Variants in ZNF638 observed in about 807,000 individuals in gnomAD.
The protein encoded by ZNF638 is CTCL tumor antigen se33-1.
In ZNF638, 46 loss-of-function variants were observed where a neutral mutation model predicts 195.6. The ratio of observed to expected loss-of-function variants is 0.24; its 90% CI spans 0.19 to 0.30. The LOEUF (loss-of-function observed/expected upper bound fraction) is 0.30, where lower values mean the gene tolerates loss of function less well. Ranked by LOEUF, ZNF638 falls within the 10% of genes least tolerant of loss-of-function variation. ZNF638 has a pLI of 1.00. For synonymous variants in ZNF638, 845 were observed against 772.0 expected, an observed-to-expected ratio of 1.09 and a Z score of -1.57; for missense variants, 2,440 against 2,325.3, an observed-to-expected ratio of 1.05 and a Z score of -1.01.
At position 71,349,594 on chromosome 2, in the gene ZNF638, G is replaced by T. The variant is rs763299500; in HGVS notation, c.640G>T (p.Ala214Ser). 6.2e-7 allele frequency: 1 copy of T among 1,614,174 alleles called. No individual in the cohort carries two copies. Among genetic ancestry groups the T allele is most frequent in the Non-Finnish European group, 8.5e-7 (1 of 1,180,026 alleles). The change falls in exon 2 of 28, where the codon GCA (alanine) becomes TCA (serine). Residue 214 changes from alanine (A) to serine (S), a missense_variant. Physicochemically the swap from Ala to Ser is moderately conservative, Grantham distance 99. Around this residue, in one of 5 missense-constraint regions of ZNF638, gnomAD observed 305 missense variants for 283.6 expected, o/e 1.08. Transcript: ENST00000264447. ...AAGTAATGTGATCGATTATGGGCATGCAAGCAAATATGGCTACACAGAAGA... is the reference window on the plus strand; with the variant it reads ...AAGTAATGTGATCGATTATGGGCATTCAAGCAAATATGGCTACACAGAAGA... ...VSSNVIDYGHASKYGYTEDPL... is the reference protein window; with the variant it reads ...VSSNVIDYGHSSKYGYTEDPL...
Position 71,364,008 on chromosome 2 carries a change from C to T in ZNF638, c.1473C>T (p.Pro491=), listed in dbSNP as rs2079153172. The T allele has an allele frequency of 4.3e-6, 7 of 1,614,184 alleles. No homozygotes were observed. The highest frequency in any genetic ancestry group is 1.1e-5 in the South Asian group (1 of 91,076). ...CTCCACGAAGACGTTCTCATTCCCC[C>T]AGTCCTAGGCGTTCTAGAAGATCAA... is the stretch of plus-strand genomic sequence containing the variant. ...NETPRRRSHS[P]SPRRSRRSSS... is the part of the protein sequence containing the mutation. The change falls in exon 5 of 28, where the codon CCC becomes CCT. Residue 491 remains proline (P), a synonymous_variant. Coordinates refer to ENST00000264447, the MANE Select transcript of ZNF638 (RefSeq NM_014497.5).
intron 22 of ZNF638, 47 bp from the exon 23 acceptor site, chr2:71,424,603 T>C: frequency 1.4e-6 from 2 of 1,450,818 alleles, no homozygotes; most frequent in Non-Finnish European, 9.5e-7. Context: ...ACATTAATAA[T>C]ATGGTTGTAA....
At chr2:71,386,766 A>G (rs2079649369) in intron 10 of ZNF638, among the ~76,000 whole-genome samples, 1 of 152,198 alleles carries the variant, frequency 6.6e-6, no homozygotes, top group Non-Finnish European at 1.5e-5. Flanking sequence ...TAAAAAGAAA[A>G]CTAAAATATT....
At position 71,349,883 on chromosome 2, in the gene ZNF638, C is replaced by A; in HGVS notation, c.929C>A (p.Ser310Tyr). The change falls in exon 2 of 28, where the codon TCC (serine) becomes TAC (tyrosine). Residue 310 changes from serine to tyrosine, a missense_variant. Transcript: ENST00000264447. ...CAGTCAGTCCTTGAACCCATAAAATCCGTCAACCAATCCATTAACCAAACA... is the reference window on the plus strand; with the variant it reads ...CAGTCAGTCCTTGAACCCATAAAATACGTCAACCAATCCATTAACCAAACA... ...GGQSVLEPIKSVNQSINQTVS... is the reference protein window; with the variant it reads ...GGQSVLEPIKYVNQSINQTVS... 6.2e-7 allele frequency: 1 copy of A among 1,614,170 alleles called. No individual in the cohort carries two copies. The highest frequency in any genetic ancestry group is 2.2e-5 in the East Asian group (1 of 44,884).
intron 1 of ZNF638, among the ~76,000 whole-genome samples, chr2:71,334,783 T>TGGTGGCGGGCGC (rs1307452275): frequency 6.6e-6 from 1 of 151,542 alleles, no homozygotes. Context: ...TAGCCGGGCG[T>TGGTGGCGGGCGC]GGTGGCGGGC....
chr2:71,384,124 G>A (rs1365382064), intron 10 of ZNF638, among the ~76,000 whole-genome samples: 2 of 152,010 alleles, frequency 1.3e-5, no homozygotes, highest in Non-Finnish European at 2.9e-5. Flanking sequence ...AATCAGTGGC[G>A]GATCCATATT....
chr2:71,382,123 A>G (rs999464023), intron 10 of ZNF638, among the ~76,000 whole-genome samples: 1 of 152,116 alleles, frequency 6.6e-6, no homozygotes, highest in African/African-American at 2.4e-5. Flanking sequence ...TTCAGTCCTG[A>G]TAGGTTTTAC....
intron 10 of ZNF638, among the ~76,000 whole-genome samples, chr2:71,382,449 C>T (rs2079550126): frequency 1.3e-5 from 2 of 152,078 alleles, no homozygotes; most frequent in South Asian, 4.1e-4. Context: ...TTGAGATCCG[C>T]TCAGATTGAA....
intron 11 of ZNF638, among the ~76,000 whole-genome samples, chr2:71,396,433 C>T (rs570115557): frequency 2.0e-5 from 3 of 152,250 alleles, no homozygotes; most frequent in Middle Eastern, 3.4e-3. Context: ...ATATTTTCCT[C>T]TTTCTCTTTT....
chr2:71,434,656 A>C (rs2080731112), intron 27 of ZNF638, 86 bp from the exon 28 acceptor site: 1 of 1,125,342 alleles, frequency 8.9e-7, no homozygotes, highest in African/African-American at 1.6e-5. Context: ...AGTTTCTTTT[A>C]AATTATAAAT....
rs1388025806 is a variant in ZNF638 at position 71,349,726 on chromosome 2, A to G, written c.772A>G (p.Ile258Val). The G allele has an allele frequency of 6.8e-6, 11 of 1,614,198 alleles. No homozygotes were observed. Among genetic ancestry groups the G allele is most frequent in the East Asian group, 2.2e-5 (1 of 44,872 alleles). Reference sequence around the variant, plus strand: ...TGCATCTGTTCCCAATCCAAATGTGATATGTAATTCTATGTTTCCTGTTGA... The same window carrying G: ...TGCATCTGTTCCCAATCCAAATGTGGTATGTAATTCTATGTTTCCTGTTGA... Reference protein sequence around the residue: ...ISASVPNPNVICNSMFPVEDV... With the variant: ...ISASVPNPNVVCNSMFPVEDV... The change falls in exon 2 of 28, where the codon ATA becomes GTA. Residue 258 changes from isoleucine to valine, a missense_variant. This residue lies in a region of ZNF638 where 305 missense variants were observed against 283.6 expected (regional missense o/e 1.08). Coordinates refer to ENST00000264447, the MANE Select transcript of ZNF638 (RefSeq NM_014497.5).
rs544997693 is a variant in ZNF638, at chr2:71,363,720, T to G, written c.1419-234T>G. On this transcript the variant is annotated intron_variant, in intron 4 of 27. Coordinates refer to ENST00000264447, the MANE Select transcript of ZNF638 (RefSeq NM_014497.5). The stretch of plus-strand genomic sequence containing the variant: ...TTCATTATCGTATTCTTCTGTAAAC[T>G]AGAAAACAGACATCCAAGCAATTGG... 2.0e-5 allele frequency among the ~76,000 whole-genome samples: 3 copies of G among 152,346 alleles called. No homozygotes were observed. In the South Asian group the frequency reaches 6.2e-4, roughly 32 times the overall value.
intron 1 of ZNF638, among the ~76,000 whole-genome samples, chr2:71,343,577 G>GTGT (rs1421896668): frequency 6.6e-6 from 1 of 152,210 alleles, no homozygotes; most frequent in African/African-American, 2.4e-5. Flanking sequence ...GCATGTAGCA[G>GTGT]TGTAGGAGAG....
intron 25 of ZNF638, 53 bp downstream of exon 25, chr2:71,428,704 G>C: frequency 6.8e-7 from 1 of 1,470,750 alleles, no homozygotes; most frequent in South Asian, 1.2e-5. Context: ...CAGGAGAGTA[G>C]TTGAAGTTTA....
intron 15 of ZNF638, 104 bp from the exon 16 acceptor site, chr2:71,401,852 A>G: frequency 1.9e-6 from 2 of 1,031,668 alleles, no homozygotes; most frequent in Non-Finnish European, 2.7e-6. Flanking sequence ...TTTCCTCAGT[A>G]TTAAATGCAA....
At position 71,424,283 on chromosome 2, in the gene ZNF638, CTG is replaced by C. The variant is rs1450336769; in HGVS notation, c.4524+248_4524+249del. 4.1e-5 allele frequency among the ~76,000 whole-genome samples: 6 copies of C among 148,002 alleles called. No individual in the cohort carries two copies. The South Asian group carries it at 8.5e-4, about 21-fold the overall frequency. ...TTATTTGGATACAATTTGGAAATAA[CTG>C]TGGTTTAAAAAAAAAAAAAAAAAGT... On this transcript the variant is annotated intron_variant, in intron 22 of 27. Coordinates refer to ENST00000264447, the MANE Select transcript of ZNF638 (RefSeq NM_014497.5).
At chr2:71,384,005 AT>A (rs2079587721) in intron 10 of ZNF638, among the ~76,000 whole-genome samples, 1 of 151,792 alleles carries the variant, frequency 6.6e-6, no homozygotes, top group African/African-American at 2.4e-5. Context: ...TTCTTATATT[AT>A]TTAACAGTTA....
In ZNF638 at chr2:71,348,759, G is replaced by T; in HGVS notation, c.-196G>T. 6.5e-7 allele frequency: 1 copy of T among 1,531,982 alleles called. No homozygotes were observed. The highest frequency in any genetic ancestry group is 8.7e-7 in the Non-Finnish European group (1 of 1,143,828). The allele number at this position is 1,531,982 out of a possible 1,614,324, so 94.9% of individuals were successfully genotyped here. A position where few individuals can be genotyped will look rare whatever the true frequency, so the allele number is the denominator to read the frequency against. ...TTTGTGTTTTAACTTTCAGCTTTGT[G>T]TTATTCTTGGAAAATTTCGCACCAC... On this transcript the variant is annotated 5_prime_UTR_variant, in exon 2 of 28. Coordinates refer to ENST00000264447, the MANE Select transcript of ZNF638 (RefSeq NM_014497.5).
At chr2:71,351,404 G>T (rs2078938035) in intron 2 of ZNF638, among the ~76,000 whole-genome samples, 1 of 152,146 alleles carries the variant, frequency 6.6e-6, no homozygotes. Context: ...AATAATAGTT[G>T]CCTTATTCCA....
Sources: gnomAD v4.1 joint callset for allele counts (sites outside exome capture counted in the v4.1 genomes callset) on GRCh38, gnomAD v4.1.1 for gene constraint, gnomAD v4.1.1 regional missense constraint, MANE v1.5 for transcripts, NCBI Gene and HGNC (gene_info 2026-07-23, HGNC 2026-07-21) for gene names.